TRIM29: variants seen among roughly 807,000 people sequenced by gnomAD.
The protein encoded by TRIM29 is tripartite motif-containing protein 29.
In TRIM29, 52 loss-of-function variants were observed where a neutral mutation model predicts 57.3. The ratio of observed to expected loss-of-function variants is 0.91; its 90% CI spans 0.73 to 1.14. The LOEUF (loss-of-function observed/expected upper bound fraction) is 1.14, where lower values mean the gene tolerates loss of function less well. TRIM29 is among the 50% of genes most tolerant of loss of function. The probability of loss-of-function intolerance (pLI) is 0.00; values close to 1 mark genes in which losing one functional copy is unlikely to be tolerated. For synonymous variants in TRIM29, 319 were observed against 316.9 expected (o/e 1.01, Z -0.07); for missense variants, 753 against 774.6 (o/e 0.97, Z 0.33).
chr11:120,131,499 G>C (rs1344984764), intron 1 of TRIM29, among the ~76,000 whole-genome samples: 2 of 152,126 alleles, frequency 1.3e-5, no homozygotes, highest in Admixed American at 6.5e-5. Flanking sequence ...GTGGGCAGAA[G>C]AGTCGGTCAG....
At chr11:120,135,757 G>C (rs1381881867) in intron 1 of TRIM29, among the ~76,000 whole-genome samples, 2 of 152,164 alleles carry the variant, frequency 1.3e-5, no homozygotes, top group Non-Finnish European at 1.5e-5. Context: ...AGAGATGAAG[G>C]GAAAGAGTAA....
At chr11:120,117,091 C>T (rs946419890) in intron 7 of TRIM29, 1 of 397,440 alleles carries the variant, frequency 2.5e-6, no homozygotes, top group Non-Finnish European at 5.0e-6. Context: ...AGTGGCACAG[C>T]GCTGGTCCCA....
intron 1 of TRIM29, among the ~76,000 whole-genome samples, chr11:120,132,425 T>C (rs1863739486): frequency 6.6e-6 from 1 of 152,168 alleles, no homozygotes; most frequent in Non-Finnish European, 1.5e-5. Context: ...AAATGACTCC[T>C]TTGTTCCCTT....
chr11:120,115,375 T>C lies in TRIM29; in HGVS notation c.1667A>G (p.Gln556Arg), dbSNP rs762267203. The C allele has an allele frequency of 8.7e-6, 14 of 1,613,966 alleles. No homozygotes were observed. Among genetic ancestry groups the C allele is most frequent in the Non-Finnish European group, 1.1e-5 (13 of 1,179,970 alleles). Reference protein sequence around the residue: ...SLMRSQSPKAQPQTWKSGKQT... With the variant: ...SLMRSQSPKARPQTWKSGKQT... ...CTTGCCAGATTTCCAAGTCTGGGGC[T>C]GGGCCTTGGGGCTTTGGCTCCGCAT... Residue 556 changes from glutamine (Q) to arginine (R), a missense_variant, in exon 8 of 9, where the codon CAG (glutamine) becomes CGG (arginine). Gln to Arg is a conservative substitution (Grantham distance 43, BLOSUM62 1). Coordinates refer to ENST00000341846, the MANE Select transcript of TRIM29 (RefSeq NM_012101.4).
At chr11:120,126,204 A>G (rs192044339) in intron 3 of TRIM29, 1 of 258,916 alleles carries the variant, frequency 3.9e-6, no homozygotes, top group African/African-American at 2.2e-5. Flanking sequence ...CACTAAAGAA[A>G]TGCAAGGAAT....
In TRIM29 at chr11:120,127,364, C is replaced by T; in HGVS notation, c.1106G>A (p.Ser369Asn). The change falls in exon 3 of 9, where the codon AGC becomes AAC. Residue 369 changes from serine (S) to asparagine (N), a missense_variant. Transcript: ENST00000341846. ...CAGAAACAACACAGAGTCGCTGATG[C>T]TATGCAGCTGCTCCCGGGTCTGCTT... ...EDKQTREQLHSISDSVLFLQE... is the reference protein window; with the variant it reads ...EDKQTREQLHNISDSVLFLQE... 3.1e-6 allele frequency: 5 copies of T among 1,614,076 alleles called. No homozygotes were observed. Among genetic ancestry groups the T allele is most frequent in the Non-Finnish European group, 4.2e-6 (5 of 1,180,006 alleles).
chr11:120,121,805 AG>A lies in TRIM29; in HGVS notation c.1436-1141del, dbSNP rs942398706. The A allele has an allele frequency of 7.3e-5, 25 of 344,012 alleles. No homozygotes were observed. The East Asian group carries it at 1.5e-3, about 21-fold the overall frequency. The allele number at this position is 344,012 out of a possible 1,614,324, so 21.3% of individuals were successfully genotyped here. A position where few individuals can be genotyped will look rare whatever the true frequency, so the allele number is the denominator to read the frequency against. ...CAGGAGAGACCCGCAGGAGCCTGTCAGGGCACTCGATGGCACCCCAGGGCCT... is the reference window on the plus strand; with the variant it reads ...CAGGAGAGACCCGCAGGAGCCTGTCAGGCACTCGATGGCACCCCAGGGCCT... On this transcript the variant is annotated intron_variant, in intron 5 of 8. Coordinates refer to ENST00000341846, the MANE Select transcript of TRIM29 (RefSeq NM_012101.4).
rs770796686 is a variant in TRIM29 at position 120,121,976 on chromosome 11, G to A, written c.1435+978C>T. 23 of 448,126 alleles carry A rather than the reference G, an allele frequency of 5.1e-5. 1 individual carries two copies. Among genetic ancestry groups the A allele is most frequent in the South Asian group, 3.1e-4 (20 of 64,204 alleles). 27.8% of individuals were successfully genotyped at this position (448,126 alleles called of 1,614,324 possible). On this transcript the variant is annotated intron_variant, in intron 5 of 8. Coordinates refer to ENST00000341846, the MANE Select transcript of TRIM29 (RefSeq NM_012101.4). ...CAGGCAGGGAGGAGGCAGGCTGGCC[G>A]GCTGGGGCCTGGCCCACACCAGGAA... is the stretch of plus-strand genomic sequence containing the variant.
At chr11:120,116,517 G>C (rs1221835562) in intron 7 of TRIM29, 1 of 153,084 alleles carries the variant, frequency 6.5e-6, no homozygotes, top group Non-Finnish European at 1.5e-5. Flanking sequence ...GCACCGCCAG[G>C]CTGCCAGTTG....
In TRIM29 at chr11:120,137,660, C is replaced by T; in HGVS notation, c.372G>A (p.Lys124=). 1.2e-6 allele frequency: 2 copies of T among 1,613,774 alleles called. No individual in the cohort carries two copies. The highest frequency in any genetic ancestry group is 1.7e-6 in the Non-Finnish European group (2 of 1,180,018). The change falls in exon 1 of 9, where the codon AAG becomes AAA. Residue 124 remains lysine, a synonymous_variant. Transcript: ENST00000341846. The surrounding 1 kb of genome is among the most constrained non-coding windows in gnomAD (Gnocchi z 6.2). ...AGAAAATGGACTTGCGCAGCTCGCC[C>T]TTTTCGGCAAAGGTAACGGGTGGCT... The part of the protein sequence containing the change: ...AKKPPVTFAE[K]GELRKSIFSE...
chr11:120,125,596 A>C, intron 4 of TRIM29, 95 bp downstream of exon 4: 2 of 1,358,380 alleles, frequency 1.5e-6, no homozygotes, highest in Non-Finnish European at 2.1e-6. Flanking sequence ...CAATGAGAAG[A>C]AGCTCACTGG....
At chr11:120,115,657 G>A (rs893298826) in intron 7 of TRIM29, 2 of 528,412 alleles carry the variant, frequency 3.8e-6, no homozygotes, top group African/African-American at 1.9e-5. Flanking sequence ...CAGGTGGGCT[G>A]GACCAGGCAG....
intron 6 of TRIM29, 37 bp from the exon 7 acceptor site, chr11:120,118,358 C>G: frequency 6.5e-7 from 1 of 1,545,866 alleles, no homozygotes; most frequent in Non-Finnish European, 8.9e-7. Flanking sequence ...GCCCCCACAG[C>G]TGGGAGTGGG....
chr11:120,113,031 C>T (rs116838763), intron 8 of TRIM29, among the ~76,000 whole-genome samples: 2,895 of 152,278 alleles, frequency 0.019, 105 homozygotes, highest in African/African-American at 0.065. Context: ...AAAACCCACA[C>T]CCCCAGCTGC....
At chr11:120,136,799 A>T (rs998530008) in intron 1 of TRIM29, among the ~76,000 whole-genome samples, 21 of 152,140 alleles carry the variant, frequency 1.4e-4, no homozygotes, top group South Asian at 8.3e-4. Context: ...CAAAAAAAAA[A>T]AAAAATAAAA....
At position 120,137,813 on chromosome 11, in the gene TRIM29, A is replaced by T. The variant is rs370111986; in HGVS notation, c.219T>A (p.Asn73Lys). Residue 73 changes from asparagine (N) to lysine (K), a missense_variant, in exon 1 of 9, where the codon AAT becomes AAA. Transcript: ENST00000341846. This position sits in a 1 kb window ranked among gnomAD's most constrained non-coding sequence, Gnocchi z 6.2. ...ACTGGATGATGGGTCGCCGCCACTC[A>T]TTGCCCGCGAACAGGGCGCTCCTAC... ...GEGRSALFAG[N>K]EWRRPIIQFV... 11 of 1,612,482 alleles carry T rather than the reference A, an allele frequency of 6.8e-6. No homozygotes were observed. The African/African-American group carries it at 1.5e-4, about 22-fold the overall frequency.
At position 120,137,324 on chromosome 11, in the gene TRIM29, G is replaced by T. The variant is rs1321278797; in HGVS notation, c.708C>A (p.Cys236Ter). ...AGCAGATGCAGGTCTGGTCGGTCTG[G>T]CAGAAGAGCTCCATCGTCTTGCCAT... Reference protein sequence around the residue: ...PVHGKTMELFCQTDQTCICYL... With the variant: ...PVHGKTMELF Residue 236 changes from cysteine to a stop codon, truncating the protein, a stop_gained, in exon 1 of 9, where the codon TGC (cysteine) becomes TGA (stop). Coordinates refer to ENST00000341846, the MANE Select transcript of TRIM29 (RefSeq NM_012101.4). LOFTEE classifies it high-confidence loss of function. This position sits in a 1 kb window ranked among gnomAD's most constrained non-coding sequence, Gnocchi z 6.2. 1 of 1,614,008 alleles carries T rather than the reference G, an allele frequency of 6.2e-7. No homozygotes were observed. The highest frequency in any genetic ancestry group is 8.5e-7 in the Non-Finnish European group (1 of 1,180,044).
intron 1 of TRIM29, among the ~76,000 whole-genome samples, chr11:120,130,783 C>T (rs1432845686): frequency 1.3e-5 from 2 of 152,140 alleles, no homozygotes; most frequent in East Asian, 1.9e-4. Flanking sequence ...ACACCATGCT[C>T]GGAGCAGTGT....
At position 120,118,262 on chromosome 11, in the gene TRIM29, G is replaced by T. The variant is rs866435658; in HGVS notation, c.1588C>A (p.Leu530Met). ...SSSIQNSDND[L>M]PVVQGSSSFS... ...GAGGAGCTGCCTTGGACGACGGGCA[G>T]GTCATTGTCAGAGTTCTGAATGCTG... Residue 530 changes from leucine to methionine, a missense_variant, in exon 7 of 9, where the codon CTG becomes ATG. By Grantham distance (15) the Leu-to-Met change is conservative. Coordinates refer to ENST00000341846, the MANE Select transcript of TRIM29 (RefSeq NM_012101.4). 1.9e-6 allele frequency: 3 copies of T among 1,614,056 alleles called. No individual in the cohort carries two copies. In the Middle Eastern group the frequency reaches 5.0e-4, roughly 266 times the overall value.
Sources: allele counts gnomAD v4.1 joint callset (sites outside exome capture counted in the v4.1 genomes callset), GRCh38; gene constraint gnomAD v4.1.1; non-coding constraint Gnocchi (gnomAD v3.1); transcripts MANE v1.5; gene names NCBI Gene and HGNC (gene_info 2026-07-23, HGNC 2026-07-21).